CFAP20DC: variants seen among roughly 807,000 people sequenced by gnomAD.
The protein encoded by CFAP20DC is protein CFAP20DC.
CFAP20DC carries 84 observed loss-of-function variants against 101.7 expected under a neutral mutation model. That is an observed-to-expected ratio of 0.83 (90% CI 0.69 to 0.99). The LOEUF (loss-of-function observed/expected upper bound fraction) is 0.99. Among genes scored for constraint, CFAP20DC ranks in the 50% least tolerant of loss-of-function variants. The probability of loss-of-function intolerance (pLI) is 0.00; values close to 1 mark genes in which losing one functional copy is unlikely to be tolerated. For missense variants in CFAP20DC, 1,007 were observed against 970.3 expected (o/e 1.04, Z -0.50); for synonymous variants, 359 against 351.2 (o/e 1.02, Z -0.25).
chr3:58,987,664 C>T (rs1269608839), intron 4 of CFAP20DC, among the ~76,000 whole-genome samples: 2 of 151,938 alleles, frequency 1.3e-5, no homozygotes, highest in African/African-American at 4.8e-5. Flanking sequence ...ACTGTATATA[C>T]TTTTACATAT....
chr3:58,826,815 G>A (rs1256750987), intron 14 of CFAP20DC, among the ~76,000 whole-genome samples: 1 of 152,168 alleles, frequency 6.6e-6, no homozygotes, highest in Non-Finnish European at 1.5e-5. Context: ...TGGTAACAGT[G>A]GTTGGCTAAT....
intron 15 of CFAP20DC, among the ~76,000 whole-genome samples, chr3:58,775,349 G>A (rs776601728): frequency 1.3e-5 from 2 of 151,880 alleles, no homozygotes; most frequent in Non-Finnish European, 2.9e-5. Context: ...TGAATAGAAT[G>A]AGAGGCAGGT....
rs1454379323 is a variant in CFAP20DC, at chr3:59,014,472, G to A, written c.278+25085C>T. ...ATCCAAATAGTGTTGTCAATTCATA[G>A]GGATATCAAGCTCAGACTCACAAGT... On this transcript the variant is annotated intron_variant, in intron 4 of 16. Coordinates refer to ENST00000482387, the MANE Select transcript of CFAP20DC (RefSeq NM_001394063.1). The surrounding 1 kb of genome is among the most constrained non-coding windows in gnomAD (Gnocchi z 4.9). Among the ~76,000 whole-genome samples, 3 of 152,232 alleles carry A rather than the reference G, an allele frequency of 2.0e-5. No homozygotes were observed. In the East Asian group the frequency reaches 5.8e-4, roughly 29 times the overall value.
rs563677105 is a variant in CFAP20DC at position 58,767,162 on chromosome 3, G to A, written c.2238-13299C>T. Among the ~76,000 whole-genome samples, 6 of 152,244 alleles carry A rather than the reference G, an allele frequency of 3.9e-5. No homozygotes were observed. The South Asian group carries it at 1.0e-3, about 26-fold the overall frequency. On this transcript the variant is annotated intron_variant, in intron 15 of 16. Transcript: ENST00000482387. Reference sequence around the variant, plus strand: ...TGTCTTTCTTAGCCAAGAATACTGAGTGGTACTTGATATTGAAAGTCTCCA... The same window carrying A: ...TGTCTTTCTTAGCCAAGAATACTGAATGGTACTTGATATTGAAAGTCTCCA...
At chr3:58,855,299 C>A (rs377086501) in intron 12 of CFAP20DC, among the ~76,000 whole-genome samples, 1,875 of 152,054 alleles carry the variant, frequency 0.012, 41 homozygotes, top group African/African-American at 0.041. Context: ...ACCATCTCAC[C>A]CCAGTTAGAA....
chr3:58,807,976 G>C (rs960271311), intron 14 of CFAP20DC, among the ~76,000 whole-genome samples: 1 of 152,140 alleles, frequency 6.6e-6, no homozygotes, highest in African/African-American at 2.4e-5. Flanking sequence ...GATGGAAGAT[G>C]AAATGAATGA....
intron 13 of CFAP20DC, among the ~76,000 whole-genome samples, chr3:58,841,746 CTCTT>C (rs1400430022): frequency 4.6e-5 from 7 of 152,158 alleles, no homozygotes; most frequent in Non-Finnish European, 7.4e-5. Context: ...AAAGTCATGT[CTCTT>C]TCTTTTCTAA....
In CFAP20DC at chr3:58,726,689, C is replaced by T. The variant is rs2067557086; in HGVS notation, c.198-9061G>A. The T allele has an allele frequency of 2.0e-5, 4 of 201,080 alleles. 1 individual carries two copies. In the South Asian group the frequency reaches 2.4e-4, roughly 12 times the overall value. The allele number at this position is 201,080 out of a possible 1,614,324, so 12.5% of individuals were successfully genotyped here. On this transcript the variant is annotated intron_variant, in intron 3 of 3. Transcript: ENST00000486145. ...AGAGATGAGAAGGACCCATCACTTG[C>T]ACTCACACCATCAGAAGAGATGAGA...
At chr3:58,833,459 T>C (rs1197012589) in intron 13 of CFAP20DC, among the ~76,000 whole-genome samples, 1 of 152,078 alleles carries the variant, frequency 6.6e-6, no homozygotes, top group African/African-American at 2.4e-5. Context: ...GAGGGGACAA[T>C]AAACACATAC....
At chr3:58,775,745 CTT>C (rs745494338) in intron 15 of CFAP20DC, among the ~76,000 whole-genome samples, 13 of 133,656 alleles carry the variant, frequency 9.7e-5, no homozygotes, top group Non-Finnish European at 1.1e-4. Context: ...CCTTTTCTGT[CTT>C]TTTTTTTTTT....
At chr3:58,921,147 C>G (rs1553724117) in intron 5 of CFAP20DC, among the ~76,000 whole-genome samples, 1 of 151,368 alleles carries the variant, frequency 6.6e-6, no homozygotes, top group Non-Finnish European at 1.5e-5. Context: ...TCTTTTTTTT[C>G]TTGATTAGTC....
chr3:58,776,702 T>C (rs1425845382), intron 15 of CFAP20DC, among the ~76,000 whole-genome samples: 1 of 151,208 alleles, frequency 6.6e-6, no homozygotes, highest in Non-Finnish European at 1.5e-5. Context: ...ACTGTTTTTC[T>C]CTTGCTAATC....
intron 4 of CFAP20DC, among the ~76,000 whole-genome samples, chr3:58,958,723 T>C (rs572908455): frequency 2.2e-4 from 34 of 152,370 alleles, no homozygotes; most frequent in African/African-American, 7.7e-4. Flanking sequence ...TTGAAAATAC[T>C]GTCATGTGGT....
intron 7 of CFAP20DC, among the ~76,000 whole-genome samples, chr3:58,875,431 T>C (rs1001054195): frequency 3.3e-5 from 5 of 152,154 alleles, no homozygotes; most frequent in Admixed American, 6.5e-5. Context: ...GTTGATTTTT[T>C]CAGAGAAAAA....
chr3:58,861,449 T>C lies in CFAP20DC; in HGVS notation c.1593+2109A>G. On this transcript the variant is annotated intron_variant, in intron 12 of 16. Transcript: ENST00000482387. This position sits in a 1 kb window ranked among gnomAD's most constrained non-coding sequence, Gnocchi z 4.0. The stretch of plus-strand genomic sequence containing the variant: ...TTCAAAGACTATATGTAAATAAACA[T>C]TGTAAATATGTAGCCTAATTTCCCA... The C allele has an allele frequency of 2.3e-6, 2 of 884,882 alleles. No individual in the cohort carries two copies. Among genetic ancestry groups the C allele is most frequent in the Non-Finnish European group, 2.7e-6 (2 of 738,436 alleles). The allele number at this position is 884,882 out of a possible 1,614,324, so 54.8% of individuals were successfully genotyped here.
intron 4 of CFAP20DC, among the ~76,000 whole-genome samples, chr3:58,943,043 G>C (rs1450527625): frequency 6.6e-6 from 1 of 152,224 alleles, no homozygotes; most frequent in East Asian, 1.9e-4. Context: ...TCTCTGGGCA[G>C]GGCATCTCTG....
At chr3:58,922,370 G>A (rs1010883659) in intron 5 of CFAP20DC, among the ~76,000 whole-genome samples, 16 of 152,106 alleles carry the variant, frequency 1.1e-4, no homozygotes, top group Non-Finnish European at 2.1e-4. Context: ...TTTGGATATG[G>A]CTTATTTGGC....
Position 58,912,999 on chromosome 3 carries a change from CT to C in CFAP20DC, c.550+708del, listed in dbSNP as rs1488056681. On this transcript the variant is annotated intron_variant, in intron 6 of 16. Coordinates refer to ENST00000482387, the MANE Select transcript of CFAP20DC (RefSeq NM_001394063.1). The surrounding 1 kb of genome is among the most constrained non-coding windows in gnomAD (Gnocchi z 4.4). ...TTTCCCACACAATGAGTCCTGCCTCCTTAGTCAGGAATCAGACATTGCTTTG... is the reference window on the plus strand; with the variant it reads ...TTTCCCACACAATGAGTCCTGCCTCCTAGTCAGGAATCAGACATTGCTTTG... Among the ~76,000 whole-genome samples, 1 of 152,080 alleles carries C rather than the reference CT, an allele frequency of 6.6e-6. No individual in the cohort carries two copies. Among genetic ancestry groups the C allele is most frequent in the Non-Finnish European group, 1.5e-5 (1 of 68,000 alleles).
intron 4 of CFAP20DC, among the ~76,000 whole-genome samples, chr3:59,033,805 A>G (rs1454442012): frequency 6.6e-6 from 1 of 152,188 alleles, no homozygotes; most frequent in Non-Finnish European, 1.5e-5. Flanking sequence ...AACTTCCCCA[A>G]CCTAGCAAGA....
Sources: allele counts gnomAD v4.1 joint callset (sites outside exome capture counted in the v4.1 genomes callset), GRCh38; gene constraint gnomAD v4.1.1; non-coding constraint Gnocchi (gnomAD v3.1); transcripts MANE v1.5; gene names NCBI Gene and HGNC (gene_info 2026-07-23, HGNC 2026-07-21).